The following MGAT5 variants were observed in gnomAD, a reference collection of about 807,000 sequenced individuals.
MGAT5 encodes alpha-1,6-mannosylglycoprotein 6-beta-N-acetylglucosaminyltransferase A.
Under a neutral mutation model 94.3 loss-of-function variants are expected in MGAT5, and 30 were observed. That is an observed-to-expected ratio of 0.32 (90% CI 0.24 to 0.43). The LOEUF (loss-of-function observed/expected upper bound fraction) is 0.43, where lower values mean the gene tolerates loss of function less well. MGAT5 is among the 20% of genes least tolerant of loss of function. The pLI is 1.00. For missense variants in MGAT5, 691 were observed against 905.5 expected, an observed-to-expected ratio of 0.76 and a Z score of 3.04; for synonymous variants, 310 against 322.9, an observed-to-expected ratio of 0.96 and a Z score of 0.43.
In MGAT5 at chr2:134,131,401, AG is replaced by A. The variant is rs367897806; in HGVS notation, c.-143+11112del. Among the ~76,000 whole-genome samples, 73 of 152,322 alleles carry A rather than the reference AG, an allele frequency of 4.8e-4. 1 individual carries two copies. The East Asian group carries it at 9.5e-3, about 20-fold the overall frequency. ...AGAACTGGCAGAGCCAGGGTACAAA[AG>A]GCTGAATTCCCGAAATTAGTATTCT... On this transcript the variant is annotated intron_variant, in intron 1 of 16. Transcript: ENST00000409645.
intron 2 of MGAT5, among the ~76,000 whole-genome samples, chr2:134,276,186 A>T (rs1469707918): frequency 4.2e-5 from 1 of 24,072 alleles, no homozygotes; most frequent in Non-Finnish European, 8.0e-5. Context: ...GCCAATCTCC[A>T]CCTCATTTAG....
At chr2:134,287,365 A>G (rs1685076429) in intron 2 of MGAT5, among the ~76,000 whole-genome samples, 1 of 152,192 alleles carries the variant, frequency 6.6e-6, no homozygotes, top group Non-Finnish European at 1.5e-5. Context: ...ATTTAAAAAT[A>G]TTGTTAAATC....
rs569952933 is a variant in MGAT5, at chr2:134,450,848, C to G, written c.*2001C>G. ...TGTGTGTGTATGAGCCTGTGCATTT[C>G]TTTTAAGCAAGGGCAGTTTCCTGCA... On this transcript the variant is annotated 3_prime_UTR_variant, in exon 16 of 16. Transcript: ENST00000281923. The G allele has an allele frequency of 6.7e-6, 1 of 149,722 alleles. No individual in the cohort carries two copies. Among genetic ancestry groups the G allele is most frequent in the African/African-American group, 2.5e-5 (1 of 40,700 alleles). The allele number at this position is 149,722 out of a possible 1,614,324, so 9.3% of individuals were successfully genotyped here. A position where few individuals can be genotyped will look rare whatever the true frequency, so the allele number is the denominator to read the frequency against.
At chr2:134,349,748 C>T (rs1264431763) in intron 8 of MGAT5, 57 bp from the exon 9 acceptor site, 1 of 1,597,118 alleles carries the variant, frequency 6.3e-7, no homozygotes, top group African/African-American at 1.3e-5. Context: ...AGAGCTTTTA[C>T]CTTTTCAACT....
chr2:134,214,381 T>G (rs1283443525), intron 1 of MGAT5, among the ~76,000 whole-genome samples: 3 of 152,224 alleles, frequency 2.0e-5, no homozygotes, highest in Non-Finnish European at 4.4e-5. Flanking sequence ...TTCAATCTTT[T>G]GGCTTCCCTC....
intron 1 of MGAT5, among the ~76,000 whole-genome samples, chr2:134,236,510 C>T (rs1681645339): frequency 6.6e-6 from 1 of 152,132 alleles, no homozygotes; most frequent in African/African-American, 2.4e-5. Context: ...ATAGTGAGTT[C>T]TTACAAGATC....
In MGAT5 at chr2:134,427,164, A is replaced by G. The variant is rs575632365; in HGVS notation, c.1795-1201A>G. Among the ~76,000 whole-genome samples, 31 of 152,286 alleles carry G rather than the reference A, an allele frequency of 2.0e-4. No individual in the cohort carries two copies. In the South Asian group the frequency reaches 6.2e-3, roughly 31 times the overall value. The stretch of plus-strand genomic sequence containing the variant: ...GTCCCATTTTCAGCAAGCTTCAATT[A>G]TAGAAGTTTTGCCTAGTTCTCCACC... On this transcript the variant is annotated intron_variant, in intron 13 of 15. Transcript: ENST00000281923.
chr2:134,150,447 G>A (rs1221090203), intron 1 of MGAT5, among the ~76,000 whole-genome samples: 4 of 152,190 alleles, frequency 2.6e-5, no homozygotes, highest in African/African-American at 9.7e-5. Flanking sequence ...AGGCAAGACA[G>A]CCATGACACC....
chr2:134,195,612 G>A (rs1401056689), intron 1 of MGAT5, among the ~76,000 whole-genome samples: 1 of 152,172 alleles, frequency 6.6e-6, no homozygotes, highest in Admixed American at 6.5e-5. Context: ...GGCTACTTGT[G>A]GATGAGTGTC....
At chr2:134,318,874 C>A in intron 4 of MGAT5, 135 bp downstream of exon 4, 1 of 529,114 alleles carries the variant, frequency 1.9e-6, no homozygotes, top group Non-Finnish European at 3.4e-6. Flanking sequence ...CTTCATTACT[C>A]TCCCTACCTC....
intron 2 of MGAT5, among the ~76,000 whole-genome samples, chr2:134,316,749 A>T (rs1687019307): frequency 6.6e-6 from 1 of 152,116 alleles, no homozygotes; most frequent in African/African-American, 2.4e-5. Flanking sequence ...GCACTGTAGG[A>T]TGACTCTAGT....
chr2:134,345,111 T>C (rs374245886), intron 8 of MGAT5, 47 bp downstream of exon 8: 1 of 1,582,562 alleles, frequency 6.3e-7, no homozygotes, highest in Non-Finnish European at 8.6e-7. Flanking sequence ...TTCCCCTCCT[T>C]AACAAAGGTT....
At chr2:134,261,252 C>T (rs947596891) in intron 1 of MGAT5, among the ~76,000 whole-genome samples, 3 of 152,166 alleles carry the variant, frequency 2.0e-5, no homozygotes, top group South Asian at 2.1e-4. Flanking sequence ...CATGTTCAAA[C>T]GATGAGGCTT....
chr2:134,165,443 G>C (rs1197680015), intron 1 of MGAT5, among the ~76,000 whole-genome samples: 2 of 152,076 alleles, frequency 1.3e-5, no homozygotes, highest in Non-Finnish European at 1.5e-5. Context: ...GTTTTTTTTA[G>C]AGGAAGATGG....
intron 2 of MGAT5, among the ~76,000 whole-genome samples, chr2:134,278,748 C>T (rs114557095): frequency 1.6e-3 from 250 of 152,290 alleles, no homozygotes; most frequent in African/African-American, 5.2e-3. Context: ...CCACTTGGAA[C>T]GAGCCCAAAC....
chr2:134,252,971 T>C (rs974000850), upstream of MGAT5: 5 of 152,226 alleles, frequency 3.3e-5, no homozygotes, highest in African/African-American at 1.2e-4. Context: ...ACAGAGACGA[T>C]AATATTCATA....
intron 6 of MGAT5, among the ~76,000 whole-genome samples, chr2:134,338,687 G>A (rs910543439): frequency 6.6e-6 from 1 of 152,080 alleles, no homozygotes; most frequent in African/African-American, 2.4e-5. Context: ...CTTTGTCAGG[G>A]TATCAGGAAA....
chr2:134,127,073 T>G (rs1442076581), intron 1 of MGAT5: 1 of 154,770 alleles, frequency 6.5e-6, no homozygotes, highest in African/African-American at 2.4e-5. Context: ...TTTGGTATAC[T>G]TCCTTCGTCC....
At chr2:134,426,162 A>G (rs1684575912) in intron 13 of MGAT5, among the ~76,000 whole-genome samples, 1 of 152,046 alleles carries the variant, frequency 6.6e-6, no homozygotes, top group Non-Finnish European at 1.5e-5. Flanking sequence ...GCCTGCCCTC[A>G]CCCACAGGGT....
Sources: gnomAD v4.1 joint callset for allele counts (sites outside exome capture counted in the v4.1 genomes callset) on GRCh38, gnomAD v4.1.1 for gene constraint, MANE v1.5 for transcripts, NCBI Gene and HGNC (gene_info 2026-07-23, HGNC 2026-07-21) for gene names.